The following ACTN4 variants were observed in gnomAD, a reference collection of about 807,000 sequenced individuals.
ACTN4 encodes the protein alpha-actinin-4.
ACTN4 carries 18 observed loss-of-function variants against 114.2 expected under a neutral mutation model. The observed-to-expected ratio is 0.16, with a 90% confidence interval of 0.11 to 0.23. ACTN4 has a LOEUF of 0.23. ACTN4 is among the 10% of genes least tolerant of loss of function. ACTN4 has a pLI of 1.00. For missense variants in ACTN4, 722 were observed against 1,262.9 expected (o/e 0.57, Z 6.49); for synonymous variants, 515 against 506.3 (o/e 1.02, Z -0.23).
At chr19:38,668,490 A>C (rs1967031840) in intron 1 of ACTN4, among the ~76,000 whole-genome samples, 1 of 152,158 alleles carries the variant, frequency 6.6e-6, no homozygotes, top group South Asian at 2.1e-4. Flanking sequence ...GTTTGAGACC[A>C]TCCTGGCCAA....
intron 9 of ACTN4, among the ~76,000 whole-genome samples, chr19:38,715,059 C>A (rs1023703358): frequency 2.6e-5 from 4 of 152,194 alleles, no homozygotes; most frequent in South Asian, 2.1e-4. Context: ...CACGTGCCTG[C>A]TGTTACATGA....
In ACTN4 at chr19:38,709,353, GC is replaced by G. The variant is rs754173500; in HGVS notation, c.652-39del. 4 of 1,476,696 alleles carry G rather than the reference GC, an allele frequency of 2.7e-6. No individual in the cohort carries two copies. The African/African-American group carries it at 5.6e-5, about 21-fold the overall frequency. The allele number at this position is 1,476,696 out of a possible 1,614,324, so 91.5% of individuals were successfully genotyped here. On this transcript the variant is annotated intron_variant, in intron 6 of 20. Coordinates refer to ENST00000252699, the MANE Select transcript of ACTN4 (RefSeq NM_004924.6). ...TGCCTCCCTCCTGCTCCTGCACCCT[GC>G]CCTGACGGAGTTCTTGTTGTCCCCA... is the stretch of plus-strand genomic sequence containing the variant.
chr19:38,681,258 G>GCTC (rs1182660166), intron 1 of ACTN4, among the ~76,000 whole-genome samples: 1 of 151,836 alleles, frequency 6.6e-6, no homozygotes, highest in Non-Finnish European at 1.5e-5. Flanking sequence ...CACAGGAAAT[G>GCTC]CTCCAACGTT....
At chr19:38,692,988 C>T (rs532149460) in intron 1 of ACTN4, among the ~76,000 whole-genome samples, 3 of 152,182 alleles carry the variant, frequency 2.0e-5, no homozygotes, top group Non-Finnish European at 2.9e-5. Flanking sequence ...GTCTGGCCTC[C>T]GGGTACCTGG....
chr19:38,717,666 C>T lies in ACTN4; in HGVS notation c.1144-261C>T, dbSNP rs1243513527. On this transcript the variant is annotated intron_variant, in intron 10 of 20. Coordinates refer to ENST00000252699, the MANE Select transcript of ACTN4 (RefSeq NM_004924.6). The surrounding 1 kb of genome is among the most constrained non-coding windows in gnomAD (Gnocchi z 4.0). ...CAGCGGAGGGGCAGTGCGCCCTGGA[C>T]GGTACCACCTCCCCATCTATGGTAT... 1.2e-4 allele frequency among the ~76,000 whole-genome samples: 18 copies of T among 152,318 alleles called. No homozygotes were observed. Among genetic ancestry groups the T allele is most frequent in the Middle Eastern group, 3.4e-3 (1 of 294 alleles).
At chr19:38,701,789 C>A (rs1006176557) in intron 3 of ACTN4, among the ~76,000 whole-genome samples, 2 of 152,226 alleles carry the variant, frequency 1.3e-5, no homozygotes. Flanking sequence ...CTGATGGAGC[C>A]CCAGCAGCAT....
intron 1 of ACTN4, among the ~76,000 whole-genome samples, chr19:38,685,849 A>G (rs1967725028): frequency 6.6e-6 from 1 of 152,078 alleles, no homozygotes; most frequent in African/African-American, 2.4e-5. Flanking sequence ...GAAAAAGGAA[A>G]AGGATCACCA....
rs1424777612 is a variant in ACTN4, at chr19:38,731,021, G to A, written c.*1589G>A. 2.6e-6 allele frequency: 4 copies of A among 1,554,326 alleles called. No homozygotes were observed. The highest frequency in any genetic ancestry group is 2.4e-5 in the South Asian group (2 of 84,460). On this transcript the variant is annotated 3_prime_UTR_variant, in exon 21 of 21. Transcript: ENST00000252699. ...CCCCCATCCAGGTGCTGGCTGCAGTGGCCTGTGCAGAGAGGGGCAGGGTGA... is the reference window on the plus strand; with the variant it reads ...CCCCCATCCAGGTGCTGGCTGCAGTAGCCTGTGCAGAGAGGGGCAGGGTGA...
intron 1 of ACTN4, among the ~76,000 whole-genome samples, chr19:38,692,991 G>C (rs760367382): frequency 2.0e-5 from 3 of 152,192 alleles, no homozygotes; most frequent in South Asian, 4.1e-4. Context: ...TGGCCTCCGG[G>C]TACCTGGGGT....
chr19:38,695,578 G>A (rs927228295), intron 1 of ACTN4, among the ~76,000 whole-genome samples: 4 of 152,014 alleles, frequency 2.6e-5, no homozygotes, highest in South Asian at 2.1e-4. Context: ...TGTCCCCTTC[G>A]GCTCTTTCCC....
intron 8 of ACTN4, among the ~76,000 whole-genome samples, chr19:38,711,831 C>A (rs1022060713): frequency 6.6e-6 from 1 of 152,260 alleles, no homozygotes; most frequent in Non-Finnish European, 1.5e-5. Flanking sequence ...CCAACCTGCA[C>A]TCACGGTCCC....
intron 1 of ACTN4, among the ~76,000 whole-genome samples, chr19:38,699,853 C>T (rs529123415): frequency 1.3e-5 from 2 of 152,026 alleles, no homozygotes; most frequent in South Asian, 2.1e-4. Flanking sequence ...GGAAGCCAGG[C>T]GACACAGGCG....
intron 3 of ACTN4, among the ~76,000 whole-genome samples, chr19:38,702,570 T>TGCCCAGCTCTGCAG (rs1446721954): frequency 6.6e-6 from 1 of 152,232 alleles, no homozygotes; most frequent in African/African-American, 2.4e-5. Context: ...GCTGCGGCCT[T>TGCCCAGCTCTGCAG]GCCCAGCTCT....
chr19:38,724,441 TG>T lies in ACTN4; in HGVS notation c.1888del (p.Val630CysfsTer50). On this transcript the variant is annotated frameshift_variant, in exon 16 of 21. Transcript: ENST00000252699. LOFTEE classifies it high-confidence loss of function. The surrounding 1 kb of genome is among the most constrained non-coding windows in gnomAD (Gnocchi z 7.0). ...CGTCTCCTCTGCCAGGTGCAGCAGC[TG>T]GTGCCAAAACGGGACCATGCCCTCC... ...INSKWEKVQQ[L>X]VPKRDHALLE... 1 of 1,613,420 alleles carries T rather than the reference TG, an allele frequency of 6.2e-7. No homozygotes were observed. The highest frequency in any genetic ancestry group is 8.5e-7 in the Non-Finnish European group (1 of 1,179,912).
chr19:38,730,964 C>T lies in ACTN4; in HGVS notation c.*1532C>T. On this transcript the variant is annotated 3_prime_UTR_variant, in exon 21 of 21. Transcript: ENST00000252699. Reference sequence around the variant, plus strand: ...CACCCTGTCCCTCCCACCTGGCTCACCTGTCTGTGGGTCAGGCAGATGACC... The same window carrying T: ...CACCCTGTCCCTCCCACCTGGCTCATCTGTCTGTGGGTCAGGCAGATGACC... 6.4e-7 allele frequency: 1 copy of T among 1,550,724 alleles called. No individual in the cohort carries two copies. The highest frequency in any genetic ancestry group is 1.4e-5 in the African/African-American group (1 of 73,180).
intron 8 of ACTN4, 105 bp from the exon 9 acceptor site, chr19:38,714,364 G>A: frequency 2.0e-6 from 2 of 1,015,690 alleles, no homozygotes; most frequent in Non-Finnish European, 1.5e-6. Flanking sequence ...CTTCCCCTCT[G>A]TGAGGAGTTC....
chr19:38,723,572 C>G (rs1301700498), intron 12 of ACTN4, 42 bp from the exon 13 acceptor site: 2 of 1,482,732 alleles, frequency 1.3e-6, no homozygotes, highest in South Asian at 2.4e-5. Flanking sequence ...CATCTAGCCA[C>G]TTGCCCTTGC....
chr19:38,720,743 C>T (rs1315472683), intron 11 of ACTN4, among the ~76,000 whole-genome samples: 2 of 152,256 alleles, frequency 1.3e-5, no homozygotes, highest in African/African-American at 4.8e-5. Flanking sequence ...TCGGTGGCTG[C>T]ACTGGGCGGG....
intron 1 of ACTN4, among the ~76,000 whole-genome samples, chr19:38,657,894 T>C (rs1159504887): frequency 6.6e-6 from 1 of 152,220 alleles, no homozygotes; most frequent in African/African-American, 2.4e-5. Flanking sequence ...GGCCTCAGTA[T>C]GTGTAACGGT....
Sources: gnomAD v4.1 joint callset for allele counts (sites outside exome capture counted in the v4.1 genomes callset) on GRCh38, gnomAD v4.1.1 for gene constraint, Gnocchi (gnomAD v3.1) non-coding constraint, MANE v1.5 for transcripts, NCBI Gene and HGNC (gene_info 2026-07-23, HGNC 2026-07-21) for gene names.